Variants in FANCC observed in about 807,000 individuals in gnomAD.
FANCC encodes the protein Fanconi anemia group C protein.
FANCC carries 55 observed loss-of-function variants against 71.3 expected under a neutral mutation model. The ratio of observed to expected loss-of-function variants is 0.77; its 90% CI spans 0.62 to 0.97. The LOEUF is 0.97. Ranked by LOEUF, FANCC falls within the 50% of genes least tolerant of loss-of-function variation. The pLI is 0.00. For missense variants in FANCC, 678 were observed against 670.9 expected (o/e 1.01, Z -0.12); for synonymous variants, 275 against 244.9 (o/e 1.12, Z -1.15).
intron 1 of FANCC, chr9:95,292,515 G>A: frequency 6.8e-7 from 1 of 1,481,456 alleles, no homozygotes; most frequent in Non-Finnish European, 8.9e-7. Flanking sequence ...GCAGCCCGCG[G>A]CCTCCGTGCT....
chr9:95,240,852 C>G (rs1284752365), intron 3 of FANCC, 109 bp from the exon 4 acceptor site: 3 of 706,596 alleles, frequency 4.2e-6, no homozygotes, highest in Non-Finnish European at 7.6e-6. Context: ...GTTCACAGAA[C>G]AAGTATCCCT....
intron 1 of FANCC, among the ~76,000 whole-genome samples, chr9:95,279,702 C>A (rs143918961): frequency 8.8e-4 from 134 of 152,222 alleles, no homozygotes; most frequent in Middle Eastern, 3.4e-3. Flanking sequence ...AATCCCAGCA[C>A]TTTGGGAGGC....
intron 4 of FANCC, among the ~76,000 whole-genome samples, chr9:95,182,529 C>T (rs547176422): frequency 7.9e-5 from 12 of 152,216 alleles, no homozygotes; most frequent in East Asian, 3.9e-4. Context: ...CCAAGAAAAA[C>T]GTGCTTATAA....
At chr9:95,280,938 T>C (rs1033521654) in intron 1 of FANCC, among the ~76,000 whole-genome samples, 1 of 152,052 alleles carries the variant, frequency 6.6e-6, no homozygotes, top group African/African-American at 2.4e-5. Context: ...AAAGCATCAA[T>C]AGCAGAATTG....
At position 95,101,428 on chromosome 9, in the gene FANCC, G is replaced by A. The variant is rs1588007060; in HGVS notation, c.*279C>T. On this transcript the variant is annotated 3_prime_UTR_variant, in exon 15 of 15. Transcript: ENST00000289081. ...TTCTCCCACCCAGGCCTTTGCTTTA[G>A]TAATTATCAAGCTGACGGTCTGGCC... 5.9e-6 allele frequency: 3 copies of A among 509,686 alleles called. No homozygotes were observed. In the East Asian group the frequency reaches 1.0e-4, roughly 17 times the overall value. The allele number at this position is 509,686 out of a possible 1,614,324, so 31.6% of individuals were successfully genotyped here. A position where few individuals can be genotyped will look rare whatever the true frequency, so the allele number is the denominator to read the frequency against.
intron 6 of FANCC, among the ~76,000 whole-genome samples, chr9:95,159,371 T>G (rs1238758395): frequency 6.6e-6 from 1 of 152,236 alleles, no homozygotes; most frequent in Non-Finnish European, 1.5e-5. Flanking sequence ...CTCATCCTTT[T>G]TTATGGCTGC....
At chr9:95,167,050 A>T (rs1825346256) in intron 6 of FANCC, among the ~76,000 whole-genome samples, 4 of 152,004 alleles carry the variant, frequency 2.6e-5, no homozygotes, top group Admixed American at 2.6e-4. Context: ...TCATTTTTTG[A>T]AGGATGATTT....
At chr9:95,102,594 C>T (rs2071146004) in intron 14 of FANCC, among the ~76,000 whole-genome samples, 1 of 152,182 alleles carries the variant, frequency 6.6e-6, no homozygotes, top group African/African-American at 2.4e-5. Context: ...ACAGAACCCG[C>T]AAATGTTTAA....
In FANCC at chr9:95,249,352, G is replaced by T; in HGVS notation, c.-61C>A. 1 of 1,508,332 alleles carries T rather than the reference G, an allele frequency of 6.6e-7. No homozygotes were observed. Among genetic ancestry groups the T allele is most frequent in the South Asian group, 1.1e-5 (1 of 88,494 alleles). The allele number at this position is 1,508,332 out of a possible 1,614,324, so 93.4% of individuals were successfully genotyped here. Reference sequence around the variant, plus strand: ...CAGCCTGTCCAGCACTGAAGGAAATGGTCGGCACACATTAAATCTGTAAGA... The same window carrying T: ...CAGCCTGTCCAGCACTGAAGGAAATTGTCGGCACACATTAAATCTGTAAGA... On this transcript the variant is annotated 5_prime_UTR_variant, in exon 2 of 15. Transcript: ENST00000289081.
chr9:95,107,235 G>C lies in FANCC; in HGVS notation c.1364C>G (p.Ala455Gly), dbSNP rs2071516903. The C allele has an allele frequency of 6.2e-7, 1 of 1,614,124 alleles. No homozygotes were observed. Among genetic ancestry groups the C allele is most frequent in the East Asian group, 2.2e-5 (1 of 44,886 alleles). ...QVKAVLGHLL[A>G]MSRSSSLSAQ... is the part of the protein sequence containing the mutation. ...TGAGAGGCTGCTGCTTCTGGACATT[G>C]CCAGGAGGTGGCCCAGCACGGCCTT... Residue 455 changes from alanine (A) to glycine (G), a missense_variant, in exon 14 of 15, where the codon GCA becomes GGA. Ala to Gly is a moderately conservative substitution (Grantham distance 60). Coordinates refer to ENST00000289081, the MANE Select transcript of FANCC (RefSeq NM_000136.3).
At chr9:95,167,614 A>G (rs1825384871) in intron 6 of FANCC, among the ~76,000 whole-genome samples, 1 of 152,026 alleles carries the variant, frequency 6.6e-6, no homozygotes, top group Non-Finnish European at 1.5e-5. Context: ...AAGTTTTTCA[A>G]TTCACTTATT....
chr9:95,268,369 T>TA (rs937097578), intron 1 of FANCC, among the ~76,000 whole-genome samples: 3 of 152,106 alleles, frequency 2.0e-5, no homozygotes, highest in Admixed American at 6.5e-5. Context: ...GCAAAAGGAG[T>TA]AAAGCAATGG....
At chr9:95,121,113 C>CTT (rs1360676226) in intron 10 of FANCC, among the ~76,000 whole-genome samples, 1 of 152,190 alleles carries the variant, frequency 6.6e-6, no homozygotes, top group Non-Finnish European at 1.5e-5. Flanking sequence ...TTTAAAAATA[C>CTT]TTTGCCTGGA....
intron 6 of FANCC, among the ~76,000 whole-genome samples, chr9:95,163,982 A>AC (rs1437405704): frequency 1.1e-4 from 17 of 151,854 alleles, no homozygotes; most frequent in African/African-American, 4.1e-4. Context: ...CAAATCTTTC[A>AC]CCTCCTTAGT....
At position 95,279,947 on chromosome 9, in the gene FANCC, C is replaced by CAAAA. The variant is rs71498957; in HGVS notation, c.-78-30582_-78-30579dup. On this transcript the variant is annotated intron_variant, in intron 1 of 14. Transcript: ENST00000289081. ...TGAGTGGCAGATCAAGACTCTGTCT[C>CAAAA]AAAAAAAAAAAAAAAAAAAAAAAAA... Among the ~76,000 whole-genome samples, 109 of 64,764 alleles carry CAAAA rather than the reference C, an allele frequency of 1.7e-3. No homozygotes were observed. In the South Asian group the frequency reaches 0.026, roughly 15 times the overall value. The allele number at this position is 64,764 out of a possible 152,430, so 42.5% of individuals were successfully genotyped here. A position where few individuals can be genotyped will look rare whatever the true frequency, so the allele number is the denominator to read the frequency against.
At chr9:95,107,476 G>T (rs552644905) in intron 13 of FANCC, 2 of 630,436 alleles carry the variant, frequency 3.2e-6, no homozygotes, top group Admixed American at 5.0e-5. Context: ...CTTTCGTCTT[G>T]CTCACCAAGC....
At chr9:95,201,199 C>A (rs973316013) in intron 4 of FANCC, among the ~76,000 whole-genome samples, 1 of 151,652 alleles carries the variant, frequency 6.6e-6, no homozygotes, top group African/African-American at 2.4e-5. Context: ...ACGTTAATGC[C>A]AATAAAAAAA....
chr9:95,198,500 G>A (rs356680), intron 4 of FANCC, among the ~76,000 whole-genome samples: 28,988 of 152,046 alleles, frequency 0.19, 2,902 homozygotes, highest in East Asian at 0.3. Flanking sequence ...TGTTGGTCAG[G>A]GAAGATTTTA....
chr9:95,194,648 C>G (rs115636505), intron 4 of FANCC, among the ~76,000 whole-genome samples: 1 of 151,286 alleles, frequency 6.6e-6, no homozygotes, highest in Non-Finnish European at 1.5e-5. Flanking sequence ...TTTTTTTGCT[C>G]ATGAACTTAT....
Sources: gnomAD v4.1 joint callset for allele counts (sites outside exome capture counted in the v4.1 genomes callset) on GRCh38, gnomAD v4.1.1 for gene constraint, MANE v1.5 for transcripts, NCBI Gene and HGNC (gene_info 2026-07-23, HGNC 2026-07-21) for gene names.